The following COL24A1 variants were observed in gnomAD, a reference collection of about 807,000 sequenced individuals.
COL24A1 encodes collagen type XXIV alpha 1 chain.
In COL24A1, 224 loss-of-function variants were observed where a neutral mutation model predicts 253.9. The observed-to-expected ratio is 0.88, with a 90% CI of 0.79 to 0.99. The LOEUF (loss-of-function observed/expected upper bound fraction) is 0.99. Among genes scored for constraint, COL24A1 ranks in the 50% least tolerant of loss-of-function variants. COL24A1 has a pLI of 0.00. For synonymous variants in COL24A1, 685 were observed against 673.7 expected (o/e 1.02, Z -0.26); for missense variants, 2,131 against 2,068.5 (o/e 1.03, Z -0.59).
chr1:86,135,634 A>G (rs1298399666), intron 2 of COL24A1, among the ~76,000 whole-genome samples: 1 of 151,636 alleles, frequency 6.6e-6, no homozygotes, highest in African/African-American at 2.4e-5. Flanking sequence ...TTATGAGATA[A>G]TTTTTGTATG....
chr1:86,138,654 C>T (rs1330523621), intron 2 of COL24A1, among the ~76,000 whole-genome samples: 4 of 152,140 alleles, frequency 2.6e-5, no homozygotes, highest in Admixed American at 6.6e-5. Context: ...CTATATGGAA[C>T]TGTAAGTCCA....
intron 43 of COL24A1, among the ~76,000 whole-genome samples, chr1:85,833,411 A>G (rs1675589026): frequency 6.6e-6 from 1 of 152,214 alleles, no homozygotes; most frequent in Admixed American, 6.5e-5. Flanking sequence ...CAAAACCACA[A>G]TGAGATACCA....
rs150453085 is a variant in COL24A1 at position 86,138,874 on chromosome 1, A to T, written c.121+7245T>A. Among the ~76,000 whole-genome samples, 36 of 151,736 alleles carry T rather than the reference A, an allele frequency of 2.4e-4. No individual in the cohort carries two copies. The East Asian group carries it at 6.8e-3, about 29-fold the overall frequency. ...TTTTTTTTTTATCTCATCCCGTCAG[A>T]GCCCTGCTAAGTATATCCCTTCATG... On this transcript the variant is annotated intron_variant, in intron 2 of 59. Coordinates refer to ENST00000370571, the MANE Select transcript of COL24A1 (RefSeq NM_152890.7).
At chr1:85,747,519 T>G (rs956714831) in intron 55 of COL24A1, among the ~76,000 whole-genome samples, 3 of 152,116 alleles carry the variant, frequency 2.0e-5, no homozygotes, top group Non-Finnish European at 4.4e-5. Flanking sequence ...ATATAAATAT[T>G]TTTATAAAAA....
intron 21 of COL24A1, 56 bp from the exon 22 acceptor site, chr1:85,970,327 G>T: frequency 7.1e-7 from 1 of 1,407,066 alleles, no homozygotes; most frequent in Non-Finnish European, 9.7e-7. Context: ...ATTTAAAAAT[G>T]TAAACTCTTA....
intron 20 of COL24A1, among the ~76,000 whole-genome samples, chr1:85,974,391 C>G (rs914049662): frequency 2.6e-5 from 4 of 151,996 alleles, no homozygotes; most frequent in Non-Finnish European, 5.9e-5. Context: ...GTGGGTTATA[C>G]TATAAAATGT....
chr1:86,025,954 A>G (rs1439989313), intron 14 of COL24A1, among the ~76,000 whole-genome samples: 1 of 152,224 alleles, frequency 6.6e-6, no homozygotes, highest in Non-Finnish European at 1.5e-5. Flanking sequence ...TTCTGAGATA[A>G]CAGAAATTGC....
At chr1:85,854,558 G>T (rs1038758523) in intron 37 of COL24A1, among the ~76,000 whole-genome samples, 1 of 152,078 alleles carries the variant, frequency 6.6e-6, no homozygotes, top group Non-Finnish European at 1.5e-5. Context: ...CTTTTGAGAA[G>T]TATGGCCATT....
At chr1:85,858,675 CCT>C (rs1188318041) in intron 37 of COL24A1, among the ~76,000 whole-genome samples, 114 of 150,228 alleles carry the variant, frequency 7.6e-4, no homozygotes, top group African/African-American at 2.4e-3. Context: ...TTCCTTCCTT[CCT>C]TCCCTCCGTC....
At chr1:85,938,139 T>A (rs1688395664) in intron 24 of COL24A1, among the ~76,000 whole-genome samples, 1 of 147,524 alleles carries the variant, frequency 6.8e-6, no homozygotes, top group Admixed American at 6.8e-5. Flanking sequence ...ATGAAGTATA[T>A]ACACTGACTC....
At chr1:86,046,782 A>G (rs1012625276) in intron 12 of COL24A1, 43 bp downstream of exon 12, 1 of 1,607,156 alleles carries the variant, frequency 6.2e-7, no homozygotes, top group Non-Finnish European at 8.5e-7. Context: ...TAACCAGGTT[A>G]TATTGCTGTA....
intron 2 of COL24A1, among the ~76,000 whole-genome samples, chr1:86,139,355 T>C (rs1248567850): frequency 6.6e-6 from 1 of 152,164 alleles, no homozygotes; most frequent in African/African-American, 2.4e-5. Context: ...ATATAGTATA[T>C]GCCTAAAGAA....
chr1:86,058,796 C>T (rs1282782653), intron 9 of COL24A1, among the ~76,000 whole-genome samples: 18 of 152,046 alleles, frequency 1.2e-4, no homozygotes, highest in Admixed American at 1.2e-3. Flanking sequence ...TTAACTCTTA[C>T]TATTACTTCA....
chr1:85,858,638 TC>T (rs1437045536), intron 37 of COL24A1, among the ~76,000 whole-genome samples: 7 of 139,302 alleles, frequency 5.0e-5, no homozygotes, highest in East Asian at 2.0e-4. Flanking sequence ...CTTCCTTCCT[TC>T]CTTCCTTCCT....
At chr1:85,757,381 C>T (rs1157725760) in intron 55 of COL24A1, among the ~76,000 whole-genome samples, 2 of 151,978 alleles carry the variant, frequency 1.3e-5, no homozygotes, top group Non-Finnish European at 2.9e-5. Context: ...AAAAGATGCT[C>T]ACCAACAAAG....
At chr1:86,013,950 T>TC (rs1423105531) in intron 19 of COL24A1, among the ~76,000 whole-genome samples, 3 of 152,216 alleles carry the variant, frequency 2.0e-5, no homozygotes, top group Admixed American at 6.5e-5. Flanking sequence ...TTCAAAGAAC[T>TC]CCTGCAGCTC....
intron 19 of COL24A1, among the ~76,000 whole-genome samples, chr1:86,016,200 T>C (rs572114793): frequency 2.0e-5 from 3 of 152,192 alleles, no homozygotes; most frequent in East Asian, 3.9e-4. Flanking sequence ...ATACCCAATG[T>C]GTTTTGAAAT....
intron 59 of COL24A1, among the ~76,000 whole-genome samples, chr1:85,732,855 G>A (rs1043571691): frequency 1.3e-5 from 2 of 152,080 alleles, no homozygotes; most frequent in Non-Finnish European, 2.9e-5. Context: ...CCAATAAATA[G>A]TAGTAGGAGC....
chr1:86,013,228 C>T (rs1038919447), intron 19 of COL24A1, among the ~76,000 whole-genome samples: 1 of 152,208 alleles, frequency 6.6e-6, no homozygotes, highest in South Asian at 2.1e-4. Context: ...CAGTTATTAA[C>T]AAAAGCTATC....
Sources: gnomAD v4.1 joint callset for allele counts (sites outside exome capture counted in the v4.1 genomes callset) on GRCh38, gnomAD v4.1.1 for gene constraint, MANE v1.5 for transcripts, NCBI Gene and HGNC (gene_info 2026-07-23, HGNC 2026-07-21) for gene names.